ZNF804A: variants seen among roughly 807,000 people sequenced by gnomAD.
ZNF804A encodes zinc finger protein 804A.
ZNF804A carries 2 observed loss-of-function variants against 16.5 expected under a neutral mutation model. The observed-to-expected ratio is 0.12, with a 90% CI of 0.05 to 0.38. The LOEUF (loss-of-function observed/expected upper bound fraction) is 0.38. Among genes scored for constraint, ZNF804A ranks in the 10% least tolerant of loss-of-function variants. The probability of loss-of-function intolerance (pLI) is 0.99; values close to 1 mark genes in which losing one functional copy is unlikely to be tolerated. For missense variants in ZNF804A, 1,473 were observed against 1,390.7 expected, an observed-to-expected ratio of 1.06 and a Z score of -0.94; for synonymous variants, 534 against 489.6, an observed-to-expected ratio of 1.09 and a Z score of -1.20.
intron 2 of ZNF804A, among the ~76,000 whole-genome samples, chr2:184,895,513 A>T (rs968761140): frequency 1.3e-5 from 2 of 152,204 alleles, no homozygotes; most frequent in Non-Finnish European, 2.9e-5. Context: ...GCTCATTAAA[A>T]CAGAAACAGA....
chr2:184,689,442 T>G (rs923692439), intron 1 of ZNF804A, among the ~76,000 whole-genome samples: 1 of 152,084 alleles, frequency 6.6e-6, no homozygotes. Context: ...CTGTAGTTAT[T>G]TCATCTACTA....
intron 2 of ZNF804A, among the ~76,000 whole-genome samples, chr2:184,909,753 A>C (rs1452627559): frequency 6.6e-6 from 1 of 150,810 alleles, no homozygotes; most frequent in Non-Finnish European, 1.5e-5. Context: ...CTGAATAAGG[A>C]AAAAAAAAGA....
intron 1 of ZNF804A, among the ~76,000 whole-genome samples, chr2:184,758,789 T>A (rs1053265295): frequency 2.6e-5 from 4 of 151,978 alleles, no homozygotes; most frequent in African/African-American, 4.8e-5. Context: ...TCATTGGGTA[T>A]ATTATTGGGT....
intron 1 of ZNF804A, among the ~76,000 whole-genome samples, chr2:184,859,542 A>G (rs2105807931): frequency 6.6e-6 from 1 of 152,094 alleles, no homozygotes; most frequent in Non-Finnish European, 1.5e-5. Context: ...GTTAAAGTTC[A>G]CTGAGCTTCC....
intron 1 of ZNF804A, among the ~76,000 whole-genome samples, chr2:184,829,306 A>C (rs6434105): frequency 3.9e-5 from 6 of 152,006 alleles, no homozygotes; most frequent in Non-Finnish European, 5.9e-5. Flanking sequence ...AGTATGTTAG[A>C]ATAAATAATT....
chr2:184,782,868 T>A (rs1987025), intron 1 of ZNF804A, among the ~76,000 whole-genome samples: 49,741 of 149,412 alleles, frequency 0.33, 11,611 homozygotes, highest in African/African-American at 0.66. Flanking sequence ...AACATTGTAG[T>A]CAACTTAGCA....
chr2:184,860,108 G>A (rs1424933323), intron 1 of ZNF804A, among the ~76,000 whole-genome samples: 2 of 152,170 alleles, frequency 1.3e-5, no homozygotes, highest in Non-Finnish European at 2.9e-5. Context: ...GTGTCCATAG[G>A]GTGTGCCTTG....
chr2:184,938,429 T>G lies in ZNF804A; in HGVS notation c.3033T>G (p.His1011Gln), dbSNP rs776983643. ...CACCATTACCATTCAAAGAAGCACA[T>G]GTCAGTGGTCATACTTTTGTAACAG... ...TQPPLPFKEA[H>Q]VSGHTFVTAE... The change falls in exon 4 of 4, where the codon CAT becomes CAG. Residue 1011 changes from histidine (H) to glutamine (Q), a missense_variant. Physicochemically the swap from His to Gln is conservative, Grantham distance 24. Transcript: ENST00000302277. 6.2e-7 allele frequency: 1 copy of G among 1,614,088 alleles called. No individual in the cohort carries two copies. Among genetic ancestry groups the G allele is most frequent in the Non-Finnish European group, 8.5e-7 (1 of 1,180,008 alleles).
chr2:184,804,741 A>T (rs1694777498), intron 1 of ZNF804A, among the ~76,000 whole-genome samples: 1 of 152,242 alleles, frequency 6.6e-6, no homozygotes, highest in African/African-American at 2.4e-5. Context: ...TAATGTATCC[A>T]GGAAATACAA....
At chr2:184,827,094 C>T (rs145215757) in intron 1 of ZNF804A, among the ~76,000 whole-genome samples, 1,543 of 151,816 alleles carry the variant, frequency 0.01, 25 homozygotes, top group African/African-American at 0.036. Context: ...TGTTAAATGT[C>T]ATTTCTACTG....
chr2:184,787,461 G>C (rs995824991), intron 1 of ZNF804A, among the ~76,000 whole-genome samples: 1 of 151,748 alleles, frequency 6.6e-6, no homozygotes, highest in African/African-American at 2.4e-5. Context: ...GAACTACTTT[G>C]CATTGCTACC....
chr2:184,761,506 G>A (rs769355190), intron 1 of ZNF804A, among the ~76,000 whole-genome samples: 3 of 151,996 alleles, frequency 2.0e-5, no homozygotes, highest in Non-Finnish European at 4.4e-5. Context: ...AGGCAATAGC[G>A]GGAATATAAT....
intron 3 of ZNF804A, among the ~76,000 whole-genome samples, chr2:184,935,553 C>T (rs1021489873): frequency 5.3e-5 from 8 of 152,006 alleles, no homozygotes; most frequent in Admixed American, 3.9e-4. Flanking sequence ...CTCATAACAG[C>T]TATAAAAGCA....
chr2:184,792,292 T>C (rs1053355530), intron 1 of ZNF804A, among the ~76,000 whole-genome samples: 1 of 152,184 alleles, frequency 6.6e-6, no homozygotes, highest in Non-Finnish European at 1.5e-5. Context: ...CAGCAATGAA[T>C]GAGAGTTCCT....
intron 1 of ZNF804A, among the ~76,000 whole-genome samples, chr2:184,687,353 ATGTCAAAGATCAG>A (rs1288288418): frequency 6.6e-6 from 1 of 152,206 alleles, no homozygotes; most frequent in Non-Finnish European, 1.5e-5. Context: ...TTGCTGGAAG[ATGTCAAAGATCAG>A]TACCACTTAT....
chr2:184,896,447 A>G (rs1000784251), intron 2 of ZNF804A, among the ~76,000 whole-genome samples: 2 of 152,174 alleles, frequency 1.3e-5, no homozygotes, highest in African/African-American at 4.8e-5. Flanking sequence ...TTCATTTGTC[A>G]TAGCTCATAG....
chr2:184,793,411 T>G (rs1694583526), intron 1 of ZNF804A, among the ~76,000 whole-genome samples: 1 of 152,128 alleles, frequency 6.6e-6, no homozygotes, highest in South Asian at 2.1e-4. Context: ...AGTGTTGCCT[T>G]TCCTCTGCAA....
chr2:184,850,083 G>C (rs975149268), intron 1 of ZNF804A, among the ~76,000 whole-genome samples: 1 of 151,848 alleles, frequency 6.6e-6, no homozygotes, highest in Non-Finnish European at 1.5e-5. Flanking sequence ...GTAGTAGGGA[G>C]TGGGGGTAAA....
intron 1 of ZNF804A, among the ~76,000 whole-genome samples, chr2:184,629,039 T>C (rs1008621140): frequency 1.3e-5 from 2 of 152,162 alleles, no homozygotes; most frequent in Admixed American, 1.3e-4. Context: ...AATATTTTAG[T>C]TTCCCTAATT....
Sources: gnomAD v4.1 joint callset for allele counts (sites outside exome capture counted in the v4.1 genomes callset) on GRCh38, gnomAD v4.1.1 for gene constraint, MANE v1.5 for transcripts, NCBI Gene and HGNC (gene_info 2026-07-23, HGNC 2026-07-21) for gene names.